KLRG1: variants seen among roughly 807,000 people sequenced by gnomAD.
KLRG1 encodes the protein killer cell lectin like receptor G1, also known as killer cell lectin-like receptor subfamily G member 1.
Under a neutral mutation model 21.8 loss-of-function variants are expected in KLRG1, and 16 were observed. That is an observed-to-expected ratio of 0.73 (90% confidence interval 0.50 to 1.11). KLRG1 has a LOEUF of 1.11. KLRG1 is among the 50% of genes most tolerant of loss of function. The probability of loss-of-function intolerance (pLI) is 0.00; values close to 1 mark genes in which losing one functional copy is unlikely to be tolerated. For synonymous variants in KLRG1, 69 were observed against 75.9 expected (o/e 0.91, Z 0.47); for missense variants, 173 against 218.3 (o/e 0.79, Z 1.31).
chr12:8,994,782 G>A (rs1214058300), intron 2 of KLRG1, among the ~76,000 whole-genome samples: 1 of 152,214 alleles, frequency 6.6e-6, no homozygotes, highest in Non-Finnish European at 1.5e-5. Flanking sequence ...TCTGGTGTGT[G>A]TATATTACAT....
At chr12:9,174,021 CA>C in the KLRG1 span, among the ~76,000 whole-genome samples, 1 of 152,004 alleles carries the variant, frequency 6.6e-6, no homozygotes, top group Non-Finnish European at 1.5e-5. Context: ...AGAGTCACAA[CA>C]AAAAAAGAAA....
chr12:9,118,508 G>C, the KLRG1 span, among the ~76,000 whole-genome samples: 1 of 152,212 alleles, frequency 6.6e-6, no homozygotes, highest in East Asian at 1.9e-4. Context: ...CCACAAACCA[G>C]GCACAGCCTG....
At chr12:9,046,675 G>T in the KLRG1 span, among the ~76,000 whole-genome samples, 2 of 152,216 alleles carry the variant, frequency 1.3e-5, 1 homozygote. Flanking sequence ...CTTTAAAAAT[G>T]AAAGAAATTA....
At chr12:9,079,674 T>G in the KLRG1 span, 1 of 1,613,570 alleles carries the variant, frequency 6.2e-7, no homozygotes, top group Non-Finnish European at 8.5e-7. Flanking sequence ...GGACTTGATC[T>G]CTGGAGTAAG....
rs1016575673 is a variant in KLRG1 at position 8,954,939 on chromosome 12, C to T, written c.-156+4703C>T. On this transcript the variant is annotated intron_variant, in intron 1 of 4. Transcript: ENST00000539240. ...TCTTTTTTTTCTTTTTTTTTTGAGG[C>T]GGAGTCTCGATCTCTTGCCCAGGCT... is the stretch of plus-strand genomic sequence containing the variant. Among the ~76,000 whole-genome samples the T allele has an allele frequency of 4.0e-5, 6 of 150,662 alleles. No homozygotes were observed. The East Asian group carries it at 5.8e-4, about 15-fold the overall frequency.
the KLRG1 span, among the ~76,000 whole-genome samples, chr12:9,161,789 ACTT>A: frequency 2.6e-5 from 4 of 152,208 alleles, no homozygotes; most frequent in African/African-American, 9.7e-5. Context: ...AGCTACAACT[ACTT>A]CTTAATGATA....
the KLRG1 span, among the ~76,000 whole-genome samples, chr12:9,060,420 G>A: frequency 0.3 from 46,341 of 151,960 alleles, 8,025 homozygotes; most frequent in Non-Finnish European, 0.38. Flanking sequence ...CAGTGTGAAT[G>A]GTTCTGAAAA....
chr12:9,096,434 C>T, the KLRG1 span, among the ~76,000 whole-genome samples: 23 of 152,264 alleles, frequency 1.5e-4, no homozygotes, highest in East Asian at 4.4e-3. Flanking sequence ...CAGTATATAG[C>T]AAAGTTAATG....
chr12:9,154,246 G>C, the KLRG1 span, among the ~76,000 whole-genome samples: 1 of 152,110 alleles, frequency 6.6e-6, no homozygotes, highest in Non-Finnish European at 1.5e-5. Context: ...GAGAGGCCAG[G>C]GATACTATTG....
At chr12:9,184,347 G>A in the KLRG1 span, among the ~76,000 whole-genome samples, 31 of 152,294 alleles carry the variant, frequency 2.0e-4, no homozygotes, top group Middle Eastern at 3.4e-3. Context: ...TACAGACACT[G>A]CCACCAGTAT....
chr12:8,976,007 A>G (rs765597037), intron 1 of KLRG1, among the ~76,000 whole-genome samples: 2 of 151,514 alleles, frequency 1.3e-5, no homozygotes, highest in Non-Finnish European at 2.9e-5. Flanking sequence ...TCCTTTTGCT[A>G]CCATTTGGCT....
the KLRG1 span, chr12:9,166,322 T>C: frequency 3.4e-6 from 3 of 879,460 alleles, no homozygotes; most frequent in African/African-American, 1.7e-5. Context: ...AAAAGTCTTG[T>C]AGAAGTTGTA....
At chr12:8,969,757 A>G (rs1268575411) in intron 1 of KLRG1, among the ~76,000 whole-genome samples, 1 of 152,202 alleles carries the variant, frequency 6.6e-6, no homozygotes, top group African/African-American at 2.4e-5. Flanking sequence ...ACTAGAGGAA[A>G]GGCACACATT....
At chr12:9,159,817 C>A in the KLRG1 span, 1 of 872,446 alleles carries the variant, frequency 1.1e-6, no homozygotes, top group Middle Eastern at 3.6e-4. Flanking sequence ...AATTTCTTTT[C>A]TTTATAAATT....
chr12:8,958,629 G>A (rs1390578009), intron 1 of KLRG1, among the ~76,000 whole-genome samples: 1 of 151,782 alleles, frequency 6.6e-6, no homozygotes, highest in Non-Finnish European at 1.5e-5. Context: ...GGCTGAGATG[G>A]GAGGATCACT....
At chr12:9,110,424 T>C in the KLRG1 span, 8 of 733,240 alleles carry the variant, frequency 1.1e-5, no homozygotes, top group Middle Eastern at 3.2e-4. Context: ...TTTGCTAGCA[T>C]AACAGGGTGA....
chr12:8,974,595 T>C (rs1946626678), intron 1 of KLRG1, among the ~76,000 whole-genome samples: 1 of 152,232 alleles, frequency 6.6e-6, no homozygotes, highest in Non-Finnish European at 1.5e-5. Flanking sequence ...TGTCAAATTT[T>C]GCTACATGCT....
At chr12:9,110,409 T>C in the KLRG1 span, 1 of 883,558 alleles carries the variant, frequency 1.1e-6, no homozygotes, top group South Asian at 1.8e-5. Context: ...GCAAAGCAGC[T>C]AGTATTTGCT....
the KLRG1 span, among the ~76,000 whole-genome samples, chr12:9,177,413 G>A: frequency 3.9e-5 from 6 of 152,256 alleles, no homozygotes; most frequent in Middle Eastern, 3.4e-3. Context: ...AGCTTTGGCC[G>A]CCATGTTAAT....
Sources: allele counts gnomAD v4.1 joint callset (sites outside exome capture counted in the v4.1 genomes callset), GRCh38; gene constraint gnomAD v4.1.1; transcripts MANE v1.5; gene names NCBI Gene and HGNC (gene_info 2026-07-23, HGNC 2026-07-21).